Variants in PDLIM1 observed in about 807,000 individuals in gnomAD.
The protein encoded by PDLIM1 is PDZ and LIM domain 1, also known as PDZ and LIM domain protein 1.
Under a neutral mutation model 35.2 loss-of-function variants are expected in PDLIM1, and 25 were observed. The observed-to-expected ratio is 0.71, with a 90% CI of 0.52 to 0.99. The LOEUF (loss-of-function observed/expected upper bound fraction) is 0.99. Among genes scored for constraint, PDLIM1 ranks in the 50% least tolerant of loss-of-function variants. PDLIM1 has a pLI of 0.00. For synonymous variants in PDLIM1, 152 were observed against 154.0 expected (o/e 0.99, Z 0.10); for missense variants, 363 against 415.3 (o/e 0.87, Z 1.09).
chr10:95,239,128 G>A (rs1057436904), intron 5 of PDLIM1, among the ~76,000 whole-genome samples: 2 of 152,128 alleles, frequency 1.3e-5, no homozygotes, highest in Non-Finnish European at 2.9e-5. Context: ...AATGGTGCTG[G>A]GAGACCTGGC....
In PDLIM1 at chr10:95,238,537, T is replaced by C; in HGVS notation, c.803+31A>G. The C allele has an allele frequency of 6.1e-6, 8 of 1,316,910 alleles. No individual in the cohort carries two copies. In the South Asian group the frequency reaches 9.4e-5, roughly 15 times the overall value. The allele number at this position is 1,316,910 out of a possible 1,614,324, so 81.6% of individuals were successfully genotyped here. A position where few individuals can be genotyped will look rare whatever the true frequency, so the allele number is the denominator to read the frequency against. ...TTCATGGTTTACCCAACCTGCAGGG[T>C]CTGCAAAGGCTGTGGGAAGCAGATA... On this transcript the variant is annotated intron_variant, in intron 6 of 6. Transcript: ENST00000329399.
chr10:95,286,847 A>G (rs991722579), intron 1 of PDLIM1, among the ~76,000 whole-genome samples: 1 of 152,214 alleles, frequency 6.6e-6, no homozygotes, highest in African/African-American at 2.4e-5. Context: ...GGCATGGCCT[A>G]AGAATGTGCC....
intron 1 of PDLIM1, among the ~76,000 whole-genome samples, chr10:95,280,384 A>T (rs7074583): frequency 1.5e-3 from 224 of 152,040 alleles, no homozygotes; most frequent in African/African-American, 4.0e-3. Context: ...CCAAAAAATT[A>T]AAAAAAAATT....
intron 1 of PDLIM1, among the ~76,000 whole-genome samples, chr10:95,288,515 AACT>A (rs1448697628): frequency 6.6e-6 from 1 of 151,696 alleles, no homozygotes; most frequent in Non-Finnish European, 1.5e-5. Flanking sequence ...CACATACCTT[AACT>A]CACAGCCAAG....
At chr10:95,283,567 GA>G (rs1439911704) in intron 1 of PDLIM1, among the ~76,000 whole-genome samples, 2 of 152,244 alleles carry the variant, frequency 1.3e-5, no homozygotes, top group Non-Finnish European at 2.9e-5. Context: ...TACGTGTGCG[GA>G]AAAAGTCTGG....
chr10:95,240,082 G>GTCC (rs1373673418), intron 5 of PDLIM1, among the ~76,000 whole-genome samples: 1 of 152,168 alleles, frequency 6.6e-6, no homozygotes, highest in Non-Finnish European at 1.5e-5. Flanking sequence ...AGTGTGGTGA[G>GTCC]TCCTCAAAGA....
chr10:95,256,618 G>C (rs187295262), intron 4 of PDLIM1, among the ~76,000 whole-genome samples: 1 of 152,208 alleles, frequency 6.6e-6, no homozygotes, highest in Non-Finnish European at 1.5e-5. Flanking sequence ...CAATGGTGTT[G>C]GAAAAACTGG....
intron 5 of PDLIM1, among the ~76,000 whole-genome samples, chr10:95,246,317 C>A (rs1163546353): frequency 1.3e-5 from 2 of 152,222 alleles, no homozygotes; most frequent in African/African-American, 4.8e-5. Flanking sequence ...ATCCACCTGT[C>A]ACAATTTCTC....
chr10:95,265,752 A>C (rs115592939), intron 3 of PDLIM1, among the ~76,000 whole-genome samples: 91,709 of 151,450 alleles, frequency 0.61, 29,218 homozygotes, highest in Non-Finnish European at 0.7. Context: ...CCATCCGTAA[A>C]AAAAAGTTAG....
chr10:95,273,326 G>C (rs1252405695), intron 1 of PDLIM1: 1 of 152,140 alleles, frequency 6.6e-6, no homozygotes, highest in Non-Finnish European at 1.5e-5. Flanking sequence ...TGAACCACAG[G>C]TAACAGGTTC....
chr10:95,238,748 T>C (rs2035148740), intron 5 of PDLIM1, 63 bp from the exon 6 acceptor site: 20 of 994,762 alleles, frequency 2.0e-5, no homozygotes, highest in Non-Finnish European at 3.2e-5. Context: ...ATCACTCAGC[T>C]CTTCAGAACC....
In PDLIM1 at chr10:95,257,506, T is replaced by G. The variant is rs183056548; in HGVS notation, c.533+6358A>C. Among the ~76,000 whole-genome samples the G allele has an allele frequency of 2.6e-4, 40 of 152,104 alleles. 1 individual carries two copies. The highest frequency in any genetic ancestry group is 1.8e-3 in the Admixed American group (27 of 15,276). ...CTCGATTAAAAAATGATCAAAGGATTTGAATAGACATTTAGCCAAAAATGA... is the reference window on the plus strand; with the variant it reads ...CTCGATTAAAAAATGATCAAAGGATGTGAATAGACATTTAGCCAAAAATGA... On this transcript the variant is annotated intron_variant, in intron 4 of 6. Coordinates refer to ENST00000329399, the MANE Select transcript of PDLIM1 (RefSeq NM_020992.4).
Position 95,240,859 on chromosome 10 carries a change from A to G in PDLIM1, c.686-2174T>C, listed in dbSNP as rs547827361. On this transcript the variant is annotated intron_variant, in intron 5 of 6. Transcript: ENST00000329399. ...TGAGCTGCCTAAGGCCCCACTCATCACATCTTAGGTAACAAAGCCCTGTAC... is the reference window on the plus strand; with the variant it reads ...TGAGCTGCCTAAGGCCCCACTCATCGCATCTTAGGTAACAAAGCCCTGTAC... 2.6e-5 allele frequency among the ~76,000 whole-genome samples: 4 copies of G among 152,284 alleles called. No individual in the cohort carries two copies. In the South Asian group the frequency reaches 8.3e-4, roughly 32 times the overall value.
At chr10:95,268,683 C>T in intron 3 of PDLIM1, 95 bp downstream of exon 3, 1 of 826,704 alleles carries the variant, frequency 1.2e-6, no homozygotes, top group Non-Finnish European at 2.1e-6. Context: ...ATCCCCAGGC[C>T]TCCAGGGCAG....
At chr10:95,267,549 G>A (rs931162979) in intron 3 of PDLIM1, among the ~76,000 whole-genome samples, 1 of 152,100 alleles carries the variant, frequency 6.6e-6, no homozygotes, top group Non-Finnish European at 1.5e-5. Flanking sequence ...GTTTTGAAAT[G>A]ATGCAAAATG....
chr10:95,260,722 C>A (rs1214610543), intron 4 of PDLIM1, among the ~76,000 whole-genome samples: 2 of 152,212 alleles, frequency 1.3e-5, no homozygotes, highest in Non-Finnish European at 2.9e-5. Flanking sequence ...GGGCAAGCCC[C>A]AGAGAATGGG....
intron 1 of PDLIM1, among the ~76,000 whole-genome samples, chr10:95,279,629 G>C (rs2035543338): frequency 1.3e-5 from 2 of 152,178 alleles, no homozygotes; most frequent in Admixed American, 1.3e-4. Context: ...TACACACTGG[G>C]CTGAGTCAGA....
At chr10:95,253,627 A>G (rs905968428) in intron 4 of PDLIM1, among the ~76,000 whole-genome samples, 2 of 151,036 alleles carry the variant, frequency 1.3e-5, no homozygotes, top group African/African-American at 2.4e-5. Context: ...CAGTAGTCCA[A>G]CCTGGGTGAC....
chr10:95,267,646 T>C (rs184418791), intron 3 of PDLIM1, among the ~76,000 whole-genome samples: 1 of 152,336 alleles, frequency 6.6e-6, no homozygotes, highest in East Asian at 1.9e-4. Context: ...TTTGAAATTT[T>C]AATGGATTCT....
Sources: allele counts gnomAD v4.1 joint callset (sites outside exome capture counted in the v4.1 genomes callset), GRCh38; gene constraint gnomAD v4.1.1; transcripts MANE v1.5; gene names NCBI Gene and HGNC (gene_info 2026-07-23, HGNC 2026-07-21).